Variants in GLRA3 observed in about 807,000 individuals in gnomAD.
The protein encoded by GLRA3 is glycine receptor subunit alpha-3.
Under a neutral mutation model 60.4 loss-of-function variants are expected in GLRA3, and 44 were observed. The ratio of observed to expected loss-of-function variants is 0.73; its 90% CI spans 0.57 to 0.94. The LOEUF is 0.94. GLRA3 is among the 40% of genes least tolerant of loss of function. The pLI is 0.00. For missense variants in GLRA3, 508 were observed against 564.6 expected (o/e 0.90, Z 1.02); for synonymous variants, 223 against 192.9 (o/e 1.16, Z -1.29).
At chr4:174,743,302 T>C (rs1056852121) in intron 3 of GLRA3, among the ~76,000 whole-genome samples, 1 of 152,150 alleles carries the variant, frequency 6.6e-6, no homozygotes, top group Admixed American at 6.5e-5. Flanking sequence ...CTAATATCCC[T>C]TTTTTTCTCG....
chr4:174,641,691 G>T lies in GLRA3; in HGVS notation c.*2095C>A, dbSNP rs1034863439. Reference sequence around the variant, plus strand: ...TCAAATATGGAAAGAAGTGATGTCTGTGAATTTCTTTTGGAAGTAAGCATG... The same window carrying T: ...TCAAATATGGAAAGAAGTGATGTCTTTGAATTTCTTTTGGAAGTAAGCATG... On this transcript the variant is annotated 3_prime_UTR_variant, in exon 10 of 10. Transcript: ENST00000274093. 2 of 152,060 alleles carry T rather than the reference G, an allele frequency of 1.3e-5. No individual in the cohort carries two copies. Among genetic ancestry groups the T allele is most frequent in the African/African-American group, 2.4e-5 (1 of 41,452 alleles). The allele number at this position is 152,060 out of a possible 1,614,324, so 9.4% of individuals were successfully genotyped here. A position where few individuals can be genotyped will look rare whatever the true frequency, so the allele number is the denominator to read the frequency against.
intron 3 of GLRA3, among the ~76,000 whole-genome samples, chr4:174,728,931 A>G (rs977689590): frequency 1.3e-5 from 2 of 152,178 alleles, no homozygotes; most frequent in African/African-American, 4.8e-5. Context: ...CCTCTAAAAA[A>G]TAAAGTCTTA....
intron 7 of GLRA3, among the ~76,000 whole-genome samples, chr4:174,669,088 A>G (rs996465042): frequency 6.6e-6 from 1 of 151,972 alleles, no homozygotes; most frequent in Non-Finnish European, 1.5e-5. Context: ...TGAGGTTTTA[A>G]TTTCAGATCT....
At chr4:174,801,380 T>C (rs1739806956) in intron 1 of GLRA3, among the ~76,000 whole-genome samples, 1 of 152,090 alleles carries the variant, frequency 6.6e-6, no homozygotes. Context: ...TATCTCGAGC[T>C]ATGAATTCCC....
At position 174,707,194 on chromosome 4, in the gene GLRA3, C is replaced by A. The variant is rs372267095; in HGVS notation, c.574+8294G>T. ...TAAATCAAGACAAATACCTGTAGTG[C>A]ACTGTTGCAAGGTTTTCAGTCCTGT... On this transcript the variant is annotated intron_variant, in intron 5 of 9. Transcript: ENST00000274093. Among the ~76,000 whole-genome samples, 3 of 152,114 alleles carry A rather than the reference C, an allele frequency of 2.0e-5. No homozygotes were observed. In the East Asian group the frequency reaches 5.8e-4, roughly 29 times the overall value.
intron 4 of GLRA3, among the ~76,000 whole-genome samples, chr4:174,727,823 T>C (rs1355989792): frequency 6.6e-6 from 1 of 152,176 alleles, no homozygotes; most frequent in African/African-American, 2.4e-5. Context: ...TACACTTTTC[T>C]GATAAGTCAA....
intron 2 of GLRA3, among the ~76,000 whole-genome samples, chr4:174,774,087 T>C (rs1264137036): frequency 6.6e-6 from 1 of 152,138 alleles, no homozygotes; most frequent in Non-Finnish European, 1.5e-5. Flanking sequence ...CACAAGGAGA[T>C]GAACCTGAGG....
At chr4:174,692,478 G>A (rs1162322657) in intron 5 of GLRA3, among the ~76,000 whole-genome samples, 100 of 151,066 alleles carry the variant, frequency 6.6e-4, no homozygotes, top group African/African-American at 2.4e-3. Context: ...GATGACAATG[G>A]CGGTTTTGTG....
In GLRA3 at chr4:174,638,506, G is replaced by T. The variant is rs1579372230; in HGVS notation, c.*5280C>A. On this transcript the variant is annotated 3_prime_UTR_variant, in exon 10 of 10. Transcript: ENST00000274093. ...GACAGGGTTTTATCATATTGGCCAG[G>T]CTGGTGTCTTAACTCCTGACCTCAA... is the stretch of plus-strand genomic sequence containing the variant. The T allele has an allele frequency of 6.6e-6, 1 of 152,252 alleles. No individual in the cohort carries two copies. The highest frequency in any genetic ancestry group is 1.9e-4 in the East Asian group (1 of 5,172). 9.4% of individuals were successfully genotyped at this position (152,252 alleles called of 1,614,324 possible).
intron 3 of GLRA3, 124 bp from the exon 4 acceptor site, chr4:174,728,822 G>T: frequency 3.3e-6 from 2 of 603,940 alleles, no homozygotes; most frequent in Non-Finnish European, 5.8e-6. Flanking sequence ...TCTTGGGGAC[G>T]GGGTGTATAG....
intron 1 of GLRA3, among the ~76,000 whole-genome samples, chr4:174,818,392 T>C (rs1049747973): frequency 6.6e-6 from 1 of 152,186 alleles, no homozygotes; most frequent in African/African-American, 2.4e-5. Flanking sequence ...ACTATACATA[T>C]ACCCACAGGG....
chr4:174,683,727 C>T (rs1455594197), intron 5 of GLRA3, among the ~76,000 whole-genome samples: 1 of 152,132 alleles, frequency 6.6e-6, no homozygotes, highest in East Asian at 1.9e-4. Flanking sequence ...AGGATTTAGG[C>T]ATGTTAATTT....
chr4:174,777,981 G>A (rs561325822), intron 2 of GLRA3, among the ~76,000 whole-genome samples: 2 of 152,034 alleles, frequency 1.3e-5, no homozygotes, highest in African/African-American at 4.8e-5. Flanking sequence ...TCAGCAAATG[G>A]AGACAAAGCT....
chr4:174,729,389 T>C (rs1040739280), intron 3 of GLRA3, among the ~76,000 whole-genome samples: 1 of 152,186 alleles, frequency 6.6e-6, no homozygotes, highest in Admixed American at 6.5e-5. Flanking sequence ...TAATATAGCA[T>C]GTAAGTTCTA....
intron 3 of GLRA3, among the ~76,000 whole-genome samples, chr4:174,756,283 C>T (rs540605240): frequency 2.0e-5 from 3 of 152,236 alleles, no homozygotes; most frequent in Admixed American, 1.3e-4. Flanking sequence ...TGATACCACA[C>T]GCCACTCTTG....
intron 1 of GLRA3, among the ~76,000 whole-genome samples, chr4:174,798,147 T>C (rs1239440278): frequency 1.3e-5 from 2 of 152,168 alleles, no homozygotes; most frequent in African/African-American, 2.4e-5. Context: ...CAATGTTCCA[T>C]GTATCTCTTT....
chr4:174,829,125 T>A lies in GLRA3; in HGVS notation c.-314A>T, dbSNP rs1024957643. 1 of 231,660 alleles carries A rather than the reference T, an allele frequency of 4.3e-6. No homozygotes were observed. The highest frequency in any genetic ancestry group is 8.5e-6 in the Non-Finnish European group (1 of 117,140). 14.4% of individuals were successfully genotyped at this position (231,660 alleles called of 1,614,324 possible). A position where few individuals can be genotyped will look rare whatever the true frequency, so the allele number is the denominator to read the frequency against. ...TAAAGCTCCAGCAGCAAAGGAAGAA[T>A]GTTCGTTCTTCCCTGACTGAGACCC... On this transcript the variant is annotated 5_prime_UTR_variant, in exon 1 of 10. Coordinates refer to ENST00000274093, the MANE Select transcript of GLRA3 (RefSeq NM_006529.4).
intron 5 of GLRA3, among the ~76,000 whole-genome samples, chr4:174,692,046 C>T (rs1484223940): frequency 6.6e-6 from 1 of 151,918 alleles, no homozygotes; most frequent in African/African-American, 2.4e-5. Context: ...CGGCCACCAC[C>T]CCGTCTGGGA....
At chr4:174,779,426 C>G (rs1338033181) in intron 2 of GLRA3, among the ~76,000 whole-genome samples, 2 of 152,188 alleles carry the variant, frequency 1.3e-5, no homozygotes, top group African/African-American at 2.4e-5. Context: ...TCCAAAGGAA[C>G]ACAGTTCCTA....
Sources: allele counts gnomAD v4.1 joint callset (sites outside exome capture counted in the v4.1 genomes callset), GRCh38; gene constraint gnomAD v4.1.1; transcripts MANE v1.5; gene names NCBI Gene and HGNC (gene_info 2026-07-23, HGNC 2026-07-21).